Variants in XPR1 observed in about 807,000 individuals in gnomAD.
The protein encoded by XPR1 is xenotropic and polytropic retrovirus receptor 1, also known as solute carrier family 53 member 1.
In XPR1, 28 loss-of-function variants were observed where a neutral mutation model predicts 87.5. That is an observed-to-expected ratio of 0.32 (90% confidence interval 0.24 to 0.44). The LOEUF (loss-of-function observed/expected upper bound fraction) is 0.44. Among genes scored for constraint, XPR1 ranks in the 20% least tolerant of loss-of-function variants. The pLI is 1.00. For synonymous variants in XPR1, 300 were observed against 306.1 expected (o/e 0.98, Z 0.21); for missense variants, 559 against 862.3 (o/e 0.65, Z 4.41).
intron 1 of XPR1, among the ~76,000 whole-genome samples, chr1:180,633,973 A>T (rs1654682444): frequency 6.6e-6 from 1 of 152,198 alleles, no homozygotes; most frequent in African/African-American, 2.4e-5. Flanking sequence ...CATTTTAGGT[A>T]TTTCGACACT....
At chr1:180,813,124 C>T (rs1395880926) in intron 7 of XPR1, among the ~76,000 whole-genome samples, 1 of 151,360 alleles carries the variant, frequency 6.6e-6, no homozygotes, top group Admixed American at 6.6e-5. Flanking sequence ...ATCCAAACTC[C>T]TTGCCATTGC....
At chr1:180,684,402 A>G (rs1181796250) in intron 2 of XPR1, among the ~76,000 whole-genome samples, 1 of 152,136 alleles carries the variant, frequency 6.6e-6, no homozygotes, top group Non-Finnish European at 1.5e-5. Context: ...CTTGTAGTAT[A>G]GTTTGAAGTC....
Position 180,758,114 on chromosome 1 carries a change from T to TACACACACACACACAC in XPR1, c.122-29621_122-29606dup, listed in dbSNP as rs71121050. On this transcript the variant is annotated intron_variant, in intron 2 of 14. Transcript: ENST00000367590. ...ACATATATATGAACATATAGAAGGA[T>TACACACACACACACAC]ACACACACACACACACACACACACA... Among the ~76,000 whole-genome samples the TACACACACACACACAC allele has an allele frequency of 7.8e-3, 1,102 of 141,136 alleles. 9 individuals carry two copies. The highest frequency in any genetic ancestry group is 0.014 in the South Asian group (61 of 4,278). The allele number at this position is 141,136 out of a possible 152,430, so 92.6% of individuals were successfully genotyped here.
chr1:180,674,459 A>C (rs374535698), intron 1 of XPR1, among the ~76,000 whole-genome samples: 1 of 152,014 alleles, frequency 6.6e-6, no homozygotes, highest in South Asian at 2.1e-4. Flanking sequence ...AGGTTTCACC[A>C]TGTTGGCAAG....
chr1:180,722,364 G>A (rs946813491), intron 2 of XPR1, among the ~76,000 whole-genome samples: 1 of 152,092 alleles, frequency 6.6e-6, no homozygotes, highest in Non-Finnish European at 1.5e-5. Context: ...AAAGTGCTGG[G>A]ATTACAGACA....
intron 1 of XPR1, among the ~76,000 whole-genome samples, chr1:180,638,950 T>A (rs1654873893): frequency 6.6e-6 from 1 of 152,192 alleles, no homozygotes; most frequent in Admixed American, 6.5e-5. Context: ...TAGTCACCTA[T>A]TTCTTCCCAT....
intron 2 of XPR1, among the ~76,000 whole-genome samples, chr1:180,778,897 A>G (rs188085778): frequency 6.6e-6 from 1 of 152,224 alleles, no homozygotes; most frequent in Non-Finnish European, 1.5e-5. Flanking sequence ...ACTCATCAAT[A>G]TTTTCCATGG....
chr1:180,773,756 G>C (rs1355671380), intron 2 of XPR1, among the ~76,000 whole-genome samples: 1 of 152,110 alleles, frequency 6.6e-6, no homozygotes, highest in Non-Finnish European at 1.5e-5. Flanking sequence ...TTTGCTTTAA[G>C]AGCAATGCAG....
intron 2 of XPR1, among the ~76,000 whole-genome samples, chr1:180,721,684 C>T (rs1296945126): frequency 1.3e-5 from 2 of 152,140 alleles, no homozygotes; most frequent in African/African-American, 2.4e-5. Context: ...ACCTCTGCCA[C>T]CCTTGAGATG....
intron 2 of XPR1, among the ~76,000 whole-genome samples, chr1:180,757,758 G>A (rs76635923): frequency 0.029 from 4,367 of 149,778 alleles, 131 homozygotes; most frequent in Non-Finnish European, 0.042. Context: ...GGCCTCAAGC[G>A]ATCCTTCTGC....
intron 1 of XPR1, among the ~76,000 whole-genome samples, chr1:180,646,147 C>T (rs1655112944): frequency 6.6e-6 from 1 of 152,224 alleles, no homozygotes; most frequent in Non-Finnish European, 1.5e-5. Flanking sequence ...TCTGTATCCT[C>T]TGCTGTTTCA....
chr1:180,741,346 A>AAG (rs2102022890), intron 2 of XPR1, among the ~76,000 whole-genome samples: 1 of 151,896 alleles, frequency 6.6e-6, no homozygotes, highest in Non-Finnish European at 1.5e-5. Context: ...TTGTATTTTT[A>AAG]GTAGAGATGG....
chr1:180,758,196 T>TGC (rs1408824849), intron 2 of XPR1, among the ~76,000 whole-genome samples: 6 of 151,408 alleles, frequency 4.0e-5, no homozygotes, highest in Non-Finnish European at 7.4e-5. Flanking sequence ...TTTACGGCAA[T>TGC]ATGGATGGAC....
At chr1:180,822,542 A>G (rs1056120459) in intron 7 of XPR1, among the ~76,000 whole-genome samples, 5 of 152,220 alleles carry the variant, frequency 3.3e-5, no homozygotes, top group African/African-American at 9.6e-5. Context: ...TCCGTTGTTC[A>G]TCACTGAATT....
At chr1:180,698,364 A>T (rs1231885593) in intron 2 of XPR1, among the ~76,000 whole-genome samples, 1 of 152,114 alleles carries the variant, frequency 6.6e-6, no homozygotes, top group African/African-American at 2.4e-5. Flanking sequence ...GATCATGTTT[A>T]AAAAATCCAT....
At chr1:180,644,449 C>G (rs1214366294) in intron 1 of XPR1, among the ~76,000 whole-genome samples, 3 of 143,544 alleles carry the variant, frequency 2.1e-5, no homozygotes, top group Non-Finnish European at 4.6e-5. Flanking sequence ...TGATACTGGT[C>G]TGTGACTTTT....
chr1:180,684,360 G>A (rs1336039527), intron 2 of XPR1, among the ~76,000 whole-genome samples: 2 of 151,768 alleles, frequency 1.3e-5, no homozygotes, highest in African/African-American at 4.8e-5. Flanking sequence ...TGCTGTTTTG[G>A]TCCAGTACCA....
chr1:180,725,284 A>G (rs1658299739), intron 2 of XPR1, among the ~76,000 whole-genome samples: 1 of 151,920 alleles, frequency 6.6e-6, no homozygotes, highest in Non-Finnish European at 1.5e-5. Context: ...AAGTTGGAGA[A>G]CCAGTAAGAT....
chr1:180,828,970 G>A (rs376224358), intron 9 of XPR1, among the ~76,000 whole-genome samples: 66 of 152,234 alleles, frequency 4.3e-4, no homozygotes, highest in Middle Eastern at 6.8e-3. Context: ...GCGGAGGTGG[G>A]AGGATCGCTT....
Sources: allele counts gnomAD v4.1 joint callset (sites outside exome capture counted in the v4.1 genomes callset), GRCh38; gene constraint gnomAD v4.1.1; transcripts MANE v1.5; gene names NCBI Gene and HGNC (gene_info 2026-07-23, HGNC 2026-07-21).